Variants in ZFAND3 observed in about 807,000 individuals in gnomAD.
ZFAND3 encodes zinc finger AN1-type containing 3, also known as AN1-type zinc finger protein 3.
A neutral mutation model predicts 29.6 loss-of-function variants in ZFAND3; 10 were observed. The observed-to-expected ratio is 0.34, with a 90% CI of 0.21 to 0.57. The LOEUF (loss-of-function observed/expected upper bound fraction) is 0.57, where lower values mean the gene tolerates loss of function less well. ZFAND3 is among the 20% of genes least tolerant of loss of function. The pLI is 0.86. For missense variants in ZFAND3, 230 were observed against 304.5 expected (o/e 0.76, Z 1.82); for synonymous variants, 128 against 112.6 (o/e 1.14, Z -0.87).
chr6:38,017,469 A>T (rs1763271697), intron 2 of ZFAND3, among the ~76,000 whole-genome samples: 3 of 152,198 alleles, frequency 2.0e-5, no homozygotes, highest in Admixed American at 2.0e-4. Flanking sequence ...TTTTAAAATA[A>T]AGTCTGAAAT....
chr6:38,128,554 G>A (rs762213044), intron 5 of ZFAND3, among the ~76,000 whole-genome samples: 2 of 152,090 alleles, frequency 1.3e-5, no homozygotes, highest in Non-Finnish European at 2.9e-5. Flanking sequence ...TCATAGCTTA[G>A]CTCCCTCTTA....
intron 2 of ZFAND3, among the ~76,000 whole-genome samples, chr6:38,053,402 G>A (rs1250785903): frequency 6.6e-6 from 1 of 151,724 alleles, no homozygotes; most frequent in African/African-American, 2.4e-5. Context: ...ATGTTATCGA[G>A]TCTGGGCATG....
rs182456171 is a variant in ZFAND3 at position 37,863,139 on chromosome 6, A to G, written c.71+43123A>G. Among the ~76,000 whole-genome samples, 25 of 152,304 alleles carry G rather than the reference A, an allele frequency of 1.6e-4. No homozygotes were observed. The East Asian group carries it at 3.9e-3, about 24-fold the overall frequency. The stretch of plus-strand genomic sequence containing the variant: ...ACACTTTGATCAAGACTGAACTCCA[A>G]TAGGAGAATGCTCCCACATCAGGAT... On this transcript the variant is annotated intron_variant, in intron 1 of 5. Coordinates refer to ENST00000287218, the MANE Select transcript of ZFAND3 (RefSeq NM_021943.3).
At chr6:38,077,666 G>A (rs1764581298) in intron 3 of ZFAND3, among the ~76,000 whole-genome samples, 1 of 152,170 alleles carries the variant, frequency 6.6e-6, no homozygotes, top group Non-Finnish European at 1.5e-5. Flanking sequence ...GCAAGTGAGG[G>A]CTAGTGGAAC....
At chr6:38,147,895 C>G (rs1766143085) in intron 5 of ZFAND3, among the ~76,000 whole-genome samples, 1 of 151,910 alleles carries the variant, frequency 6.6e-6, no homozygotes, top group Admixed American at 6.6e-5. Flanking sequence ...ATATTTTTTC[C>G]CATTTGGCAG....
At chr6:37,961,139 T>A (rs1469978214) in intron 2 of ZFAND3, among the ~76,000 whole-genome samples, 1 of 152,146 alleles carries the variant, frequency 6.6e-6, no homozygotes, top group Non-Finnish European at 1.5e-5. Context: ...TGGATGGCAT[T>A]TCTGGACCTG....
At chr6:37,925,537 T>A (rs1305940848) in intron 1 of ZFAND3, among the ~76,000 whole-genome samples, 1 of 152,068 alleles carries the variant, frequency 6.6e-6, no homozygotes, top group Non-Finnish European at 1.5e-5. Context: ...AACCTGTCTC[T>A]ACTAAAAAAT....
At chr6:38,048,789 A>T (rs1245392155) in intron 2 of ZFAND3, among the ~76,000 whole-genome samples, 1 of 152,078 alleles carries the variant, frequency 6.6e-6, no homozygotes, top group African/African-American at 2.4e-5. Context: ...GCAGGATTCA[A>T]ACAGGTCTGT....
chr6:37,932,520 C>T (rs1761617443), intron 2 of ZFAND3, among the ~76,000 whole-genome samples: 1 of 152,136 alleles, frequency 6.6e-6, no homozygotes, highest in Non-Finnish European at 1.5e-5. Context: ...ATTAGGGGTA[C>T]TCAACCTGTA....
chr6:38,095,441 T>C (rs967512122), intron 4 of ZFAND3, among the ~76,000 whole-genome samples: 10 of 152,340 alleles, frequency 6.6e-5, no homozygotes, highest in East Asian at 1.9e-4. Flanking sequence ...TCTTTTTTTT[T>C]CTACAGTATT....
rs1159357738 is a variant in ZFAND3 at position 38,030,081 on chromosome 6, TATATATATATATATATATATAG to T, written c.113-31511_113-31490del. Among the ~76,000 whole-genome samples, 169 of 54,808 alleles carry T rather than the reference TATATATATATATATATATATAG, an allele frequency of 3.1e-3. 2 individuals carry two copies. The highest frequency in any genetic ancestry group is 8.0e-3 in the African/African-American group (161 of 20,124). The allele number at this position is 54,808 out of a possible 152,430, so 36.0% of individuals were successfully genotyped here. Reference sequence around the variant, plus strand: ...ATATATATATATATATATATATATATATATATATATATATATATATAGCCTGAGAAGGTCTTCTTTTCATGTC... The same window carrying T: ...ATATATATATATATATATATATATATCCTGAGAAGGTCTTCTTTTCATGTC... On this transcript the variant is annotated intron_variant, in intron 2 of 5. Coordinates refer to ENST00000287218, the MANE Select transcript of ZFAND3 (RefSeq NM_021943.3).
intron 5 of ZFAND3, among the ~76,000 whole-genome samples, chr6:38,150,091 A>G (rs532809526): frequency 3.3e-4 from 51 of 152,298 alleles, no homozygotes; most frequent in African/African-American, 1.1e-3. Flanking sequence ...TACTTGTTAG[A>G]TGGAGGATGC....
chr6:38,118,181 A>G (rs1765458391), intron 5 of ZFAND3, among the ~76,000 whole-genome samples: 1 of 152,192 alleles, frequency 6.6e-6, no homozygotes, highest in Non-Finnish European at 1.5e-5. Flanking sequence ...GGCCCAGGTA[A>G]GTTCAAAACC....
intron 2 of ZFAND3, among the ~76,000 whole-genome samples, chr6:37,955,867 A>G (rs1762078344): frequency 6.6e-6 from 1 of 152,212 alleles, no homozygotes; most frequent in South Asian, 2.1e-4. Context: ...TGGGTTCTTG[A>G]TGGGAATCAT....
intron 2 of ZFAND3, among the ~76,000 whole-genome samples, chr6:37,938,586 T>C (rs1761745569): frequency 6.6e-6 from 1 of 152,216 alleles, no homozygotes; most frequent in Non-Finnish European, 1.5e-5. Context: ...CCTCCCTTAC[T>C]CTGAAATGCA....
At chr6:38,151,428 A>C (rs1258399902) in intron 5 of ZFAND3, among the ~76,000 whole-genome samples, 2 of 152,030 alleles carry the variant, frequency 1.3e-5, no homozygotes, top group Admixed American at 6.6e-5. Flanking sequence ...TACCCAGTGG[A>C]GTGAAGGACA....
chr6:38,037,512 C>T (rs938029470), intron 2 of ZFAND3, among the ~76,000 whole-genome samples: 1 of 152,162 alleles, frequency 6.6e-6, no homozygotes, highest in Non-Finnish European at 1.5e-5. Flanking sequence ...TTCCATGACT[C>T]GGATTGCGTG....
At position 38,144,234 on chromosome 6, in the gene ZFAND3, T is replaced by A. The variant is rs1161744404; in HGVS notation, c.530-8001T>A. 1.3e-3 allele frequency among the ~76,000 whole-genome samples: 144 copies of A among 112,004 alleles called. 2 individuals are homozygous for A. The highest frequency in any genetic ancestry group is 4.1e-3 in the African/African-American group (105 of 25,406). 73.5% of individuals were successfully genotyped at this position (112,004 alleles called of 152,430 possible). A position where few individuals can be genotyped will look rare whatever the true frequency, so the allele number is the denominator to read the frequency against. On this transcript the variant is annotated intron_variant, in intron 5 of 5. Coordinates refer to ENST00000287218, the MANE Select transcript of ZFAND3 (RefSeq NM_021943.3). ...ATAATATATAATATATATATATATT[T>A]TTTTTTTAATAAGGTTGCTTGATCA...
chr6:38,036,140 C>T (rs2127453731), intron 2 of ZFAND3, among the ~76,000 whole-genome samples: 1 of 152,290 alleles, frequency 6.6e-6, no homozygotes, highest in South Asian at 2.1e-4. Context: ...TAGCAGTTTC[C>T]AAGCACCACA....
Sources: allele counts gnomAD v4.1 joint callset (sites outside exome capture counted in the v4.1 genomes callset), GRCh38; gene constraint gnomAD v4.1.1; transcripts MANE v1.5; gene names NCBI Gene and HGNC (gene_info 2026-07-23, HGNC 2026-07-21).